Variants in PCDHGA10 observed in about 807,000 individuals in gnomAD.
The protein encoded by PCDHGA10 is protocadherin gamma subfamily A, 10, also known as protocadherin gamma-A10.
Under a neutral mutation model 59.5 loss-of-function variants are expected in PCDHGA10, and 42 were observed. That is an observed-to-expected ratio of 0.71 (90% CI 0.55 to 0.91). The LOEUF (loss-of-function observed/expected upper bound fraction) is 0.91. Ranked by LOEUF, PCDHGA10 falls within the 40% of genes least tolerant of loss-of-function variation. PCDHGA10 has a pLI of 0.00. For synonymous variants in PCDHGA10, 511 were observed against 517.2 expected, an observed-to-expected ratio of 0.99 and a Z score of 0.16; for missense variants, 1,111 against 1,198.2, an observed-to-expected ratio of 0.93 and a Z score of 1.07.
chr5:141,504,705 T>C (rs960774850), intron 2 of PCDHGA10, among the ~76,000 whole-genome samples: 19 of 151,608 alleles, frequency 1.3e-4, no homozygotes, highest in Middle Eastern at 3.4e-3. Flanking sequence ...GGTTCTTCTA[T>C]GGCCGTGGAT....
At chr5:141,497,849 T>G (rs1337258582) in intron 2 of PCDHGA10, among the ~76,000 whole-genome samples, 1 of 152,192 alleles carries the variant, frequency 6.6e-6, no homozygotes, top group African/African-American at 2.4e-5. Flanking sequence ...ACAAACATTT[T>G]TGATTCAGCG....
intron 1 of PCDHGA10, chr5:141,478,167 G>A: frequency 6.2e-7 from 1 of 1,613,772 alleles, no homozygotes; most frequent in Non-Finnish European, 8.5e-7. Context: ...TCTGCCCCCC[G>A]GGAGCAGAAA....
chr5:141,441,327 C>T (rs973149197), intron 1 of PCDHGA10: 2 of 152,196 alleles, frequency 1.3e-5, no homozygotes, highest in Admixed American at 6.5e-5. Flanking sequence ...AAAAATCTTC[C>T]TCCAATAATT....
At chr5:141,446,942 G>C (rs1252429052) in intron 1 of PCDHGA10, among the ~76,000 whole-genome samples, 1 of 152,058 alleles carries the variant, frequency 6.6e-6, no homozygotes, top group Non-Finnish European at 1.5e-5. Flanking sequence ...TTCACTGTAA[G>C]AAACATCCAG....
At chr5:141,450,516 C>T (rs150995579) in intron 1 of PCDHGA10, among the ~76,000 whole-genome samples, 2,020 of 152,024 alleles carry the variant, frequency 0.013, 56 homozygotes, top group African/African-American at 0.046. Context: ...GATGGAGTCT[C>T]ATTCTTGTCA....
rs747671382 is a variant in PCDHGA10 at position 141,444,152 on chromosome 5, A to ATTTTTTTTTT, written c.2436+28568_2436+28577dup. 1.8e-4 allele frequency among the ~76,000 whole-genome samples: 6 copies of ATTTTTTTTTT among 33,898 alleles called. 2 individuals are homozygous for ATTTTTTTTTT. Among genetic ancestry groups the ATTTTTTTTTT allele is most frequent in the Non-Finnish European group, 3.1e-4 (6 of 19,312 alleles). The allele number at this position is 33,898 out of a possible 152,430, so 22.2% of individuals were successfully genotyped here. A position where few individuals can be genotyped will look rare whatever the true frequency, so the allele number is the denominator to read the frequency against. On this transcript the variant is annotated intron_variant, in intron 1 of 3. Coordinates refer to ENST00000398610, the MANE Select transcript of PCDHGA10 (RefSeq NM_018913.3). ...GATATGTGTCACTTGTGTGTACTGG[A>ATTTTTTTTTT]TTTTTTTTTTTTTTTTTTTTTTTTT...
intron 3 of PCDHGA10, among the ~76,000 whole-genome samples, chr5:141,509,766 G>A (rs1176830940): frequency 6.6e-6 from 1 of 152,104 alleles, no homozygotes; most frequent in Non-Finnish European, 1.5e-5. Flanking sequence ...TCCCTGAGAT[G>A]TCTAGTCCCC....
intron 1 of PCDHGA10, among the ~76,000 whole-genome samples, chr5:141,469,096 G>A (rs1191827174): frequency 6.6e-6 from 1 of 151,944 alleles, no homozygotes; most frequent in Non-Finnish European, 1.5e-5. Flanking sequence ...AGGCAACAAA[G>A]CAAGAACCTG....
chr5:141,444,376 G>A (rs977995642), intron 1 of PCDHGA10, among the ~76,000 whole-genome samples: 1 of 151,796 alleles, frequency 6.6e-6, no homozygotes, highest in Non-Finnish European at 1.5e-5. Flanking sequence ...TCTCCATGTT[G>A]GTCAGGCTAG....
intron 1 of PCDHGA10, chr5:141,421,282 A>G (rs762064258): frequency 7.4e-6 from 12 of 1,613,034 alleles, no homozygotes; most frequent in Non-Finnish European, 1.0e-5. Context: ...GCTGCTGTGC[A>G]TTTTCCTGGG....
Position 141,485,870 on chromosome 5 carries a change from C to T in PCDHGA10, c.2437-8937C>T. The stretch of plus-strand genomic sequence containing the variant: ...CACCGCAGAGCTCCGGGTATCCGTG[C>T]TGGACGTAAACGACAACGCCCCAGC... On this transcript the variant is annotated intron_variant, in intron 1 of 3. Coordinates refer to ENST00000398610, the MANE Select transcript of PCDHGA10 (RefSeq NM_018913.3). This position sits in a 1 kb window ranked among gnomAD's most constrained non-coding sequence, Gnocchi z 5.7. 6.2e-7 allele frequency: 1 copy of T among 1,614,174 alleles called. No homozygotes were observed. The highest frequency in any genetic ancestry group is 8.5e-7 in the Non-Finnish European group (1 of 1,180,032).
intron 1 of PCDHGA10, among the ~76,000 whole-genome samples, chr5:141,472,113 A>G (rs1296591849): frequency 1.3e-5 from 2 of 152,260 alleles, no homozygotes; most frequent in East Asian, 3.8e-4. Flanking sequence ...ATACATAAAG[A>G]AAATAAAAGA....
intron 1 of PCDHGA10, among the ~76,000 whole-genome samples, chr5:141,450,894 G>A (rs919860611): frequency 2.7e-5 from 4 of 148,956 alleles, no homozygotes; most frequent in Admixed American, 1.3e-4. Context: ...GTGCGATATC[G>A]GCTCACTGCA....
chr5:141,470,855 G>A (rs2099242095), intron 1 of PCDHGA10, among the ~76,000 whole-genome samples: 3 of 151,856 alleles, frequency 2.0e-5, no homozygotes, highest in Admixed American at 2.0e-4. Context: ...GCTCAGATAA[G>A]TTTTTTGTTT....
In PCDHGA10 at chr5:141,485,132, T is replaced by C. The variant is rs1020670896; in HGVS notation, c.2437-9675T>C. On this transcript the variant is annotated intron_variant, in intron 1 of 3. Transcript: ENST00000398610. This position sits in a 1 kb window ranked among gnomAD's most constrained non-coding sequence, Gnocchi z 5.7. ...GGCTGTTTGGGGCGGGTCGGCTTCATCCGCGTCTCAGGAGCAAGTAGAGAA... is the reference window on the plus strand; with the variant it reads ...GGCTGTTTGGGGCGGGTCGGCTTCACCCGCGTCTCAGGAGCAAGTAGAGAA... 8.1e-6 allele frequency: 12 copies of C among 1,489,136 alleles called. No individual in the cohort carries two copies. Among genetic ancestry groups the C allele is most frequent in the East Asian group, 2.3e-5 (1 of 44,214 alleles). The allele number at this position is 1,489,136 out of a possible 1,614,324, so 92.2% of individuals were successfully genotyped here.
chr5:141,426,559 C>T (rs1401963895), intron 1 of PCDHGA10: 1 of 353,038 alleles, frequency 2.8e-6, no homozygotes, highest in Non-Finnish European at 5.6e-6. Context: ...CAGAATAGAT[C>T]GAGAGTCACT....
At chr5:141,506,735 G>A (rs1467217136) in intron 3 of PCDHGA10, among the ~76,000 whole-genome samples, 1 of 152,098 alleles carries the variant, frequency 6.6e-6, no homozygotes, top group Non-Finnish European at 1.5e-5. Context: ...TTAGAATAAT[G>A]CCTATTAATA....
intron 1 of PCDHGA10, among the ~76,000 whole-genome samples, chr5:141,461,886 C>T (rs944110458): frequency 3.3e-5 from 5 of 151,972 alleles, no homozygotes; most frequent in South Asian, 2.1e-4. Context: ...TGCAATGGCA[C>T]GATCTCGGCT....
In PCDHGA10 at chr5:141,512,859, CAT is replaced by C. The variant is rs1474518602; in HGVS notation, c.*1688_*1689del. 6.6e-6 allele frequency: 1 copy of C among 152,296 alleles called. No homozygotes were observed. The highest frequency in any genetic ancestry group is 1.9e-4 in the East Asian group (1 of 5,200). The allele number at this position is 152,296 out of a possible 1,614,324, so 9.4% of individuals were successfully genotyped here. A position where few individuals can be genotyped will look rare whatever the true frequency, so the allele number is the denominator to read the frequency against. On this transcript the variant is annotated 3_prime_UTR_variant, in exon 4 of 4. Transcript: ENST00000398610. ...CTTCTCCTATAAGCGCTTCTCTTCG[CAT>C]AGTCACGTAGCTCCCACCCCACCCT... is the stretch of plus-strand genomic sequence containing the variant.
Sources: gnomAD v4.1 joint callset for allele counts (sites outside exome capture counted in the v4.1 genomes callset) on GRCh38, gnomAD v4.1.1 for gene constraint, Gnocchi (gnomAD v3.1) non-coding constraint, MANE v1.5 for transcripts, NCBI Gene and HGNC (gene_info 2026-07-23, HGNC 2026-07-21) for gene names.